Variants in ZNF592 observed in about 807,000 individuals in gnomAD.
ZNF592 encodes zinc finger protein 592.
ZNF592 carries 11 observed loss-of-function variants against 80.3 expected under a neutral mutation model. That is an observed-to-expected ratio of 0.14 (90% CI 0.09 to 0.23). The LOEUF is 0.23. ZNF592 is among the 10% of genes least tolerant of loss of function. The probability of loss-of-function intolerance (pLI) is 1.00; values close to 1 mark genes in which losing one functional copy is unlikely to be tolerated. For synonymous variants in ZNF592, 646 were observed against 640.3 expected, an observed-to-expected ratio of 1.01 and a Z score of -0.13; for missense variants, 1,420 against 1,633.9, an observed-to-expected ratio of 0.87 and a Z score of 2.26.
chr15:84,788,834 A>G (rs901180911), intron 4 of ZNF592, among the ~76,000 whole-genome samples: 7 of 152,202 alleles, frequency 4.6e-5, no homozygotes, highest in African/African-American at 1.7e-4. Context: ...AAGTGGAATC[A>G]CACAGCATTT....
At chr15:84,786,586 G>A (rs899221035) in intron 4 of ZNF592, among the ~76,000 whole-genome samples, 1 of 152,196 alleles carries the variant, frequency 6.6e-6, no homozygotes, top group African/African-American at 2.4e-5. Flanking sequence ...AAAGGGGCCA[G>A]AAGGTGCTAT....
rs1022027305 is a variant in ZNF592 at position 84,784,998 on chromosome 15, A to G, written c.2220+103A>G. On this transcript the variant is annotated intron_variant, in intron 4 of 10. Transcript: ENST00000560079. The surrounding 1 kb of genome is among the most constrained non-coding windows in gnomAD (Gnocchi z 5.8). The stretch of plus-strand genomic sequence containing the variant: ...TCATTGATATGGGGGCAGTGGTGGA[A>G]TCTTATGAGTCTTAGAAGAGGATGT... 1.5e-6 allele frequency: 2 copies of G among 1,309,778 alleles called. No individual in the cohort carries two copies. Among genetic ancestry groups the G allele is most frequent in the Non-Finnish European group, 2.2e-6 (2 of 909,142 alleles). 81.1% of individuals were successfully genotyped at this position (1,309,778 alleles called of 1,614,324 possible).
intron 1 of ZNF592, among the ~76,000 whole-genome samples, chr15:84,755,046 A>G (rs1899128627): frequency 6.8e-6 from 1 of 147,878 alleles, no homozygotes; most frequent in Admixed American, 6.8e-5. Context: ...GCTCACTGCA[A>G]CCTCTGCCTC....
rs1207167864 is a variant in ZNF592, at chr15:84,796,286, TATATATATAA to T, written c.2400-1581_2400-1572del. ...TATATTTTATATATATATATATATA[TATATATATAA>T]AAAAACGAAGGGTAACATTCAGGAG... On this transcript the variant is annotated intron_variant, in intron 5 of 10. Coordinates refer to ENST00000560079, the MANE Select transcript of ZNF592 (RefSeq NM_014630.3). Among the ~76,000 whole-genome samples, 95 of 52,850 alleles carry T rather than the reference TATATATATAA, an allele frequency of 1.8e-3. 7 individuals are homozygous for T. The highest frequency in any genetic ancestry group is 6.6e-3 in the African/African-American group (59 of 9,004). The allele number at this position is 52,850 out of a possible 152,430, so 34.7% of individuals were successfully genotyped here.
intron 1 of ZNF592, among the ~76,000 whole-genome samples, 195 bp from the exon 2 acceptor site, chr15:84,764,512 G>A (rs1899442822): frequency 6.6e-6 from 1 of 152,288 alleles, no homozygotes; most frequent in South Asian, 2.1e-4. Context: ...AGAGGGAGGG[G>A]AGCAGACGTG....
chr15:84,801,752 G>A (rs1963100952), intron 10 of ZNF592, 111 bp from the exon 11 acceptor site: 3 of 1,518,128 alleles, frequency 2.0e-6, no homozygotes, highest in African/African-American at 2.8e-5. Context: ...CAGGGCTGGG[G>A]TGACCCTGGC....
intron 3 of ZNF592, among the ~76,000 whole-genome samples, chr15:84,779,840 A>G (rs1459170539): frequency 1.3e-5 from 2 of 152,102 alleles, no homozygotes; most frequent in African/African-American, 4.8e-5. Flanking sequence ...CTGCAACTTC[A>G]TATTAGATAA....
intron 2 of ZNF592, among the ~76,000 whole-genome samples, chr15:84,770,113 A>G (rs1351289047): frequency 1.3e-5 from 2 of 152,198 alleles, no homozygotes; most frequent in African/African-American, 2.4e-5. Flanking sequence ...GGTTGAGTTG[A>G]CAGGATGTGC....
Position 84,802,045 on chromosome 15 carries a change from A to T in ZNF592, c.3456A>T (p.Thr1152=). ...HIPQHQVDSS[T]AQCLLCGLCY... ...CTCAGCACCAGGTGGACAGCTCCAC[A>T]GCCCAATGTCTCCTCTGTGGTTTGT... The change falls in exon 11 of 11, where the codon ACA becomes ACT. Residue 1152 remains threonine (T), a synonymous_variant. Coordinates refer to ENST00000560079, the MANE Select transcript of ZNF592 (RefSeq NM_014630.3). The T allele has an allele frequency of 1.2e-6, 2 of 1,613,910 alleles. No homozygotes were observed. The highest frequency in any genetic ancestry group is 1.7e-6 in the Non-Finnish European group (2 of 1,179,872).
At position 84,804,289 on chromosome 15, in the gene ZNF592, C is replaced by T. The variant is rs1204284858; in HGVS notation, c.*1896C>T. ...AGTTACAGGAAGCCATCCCTGTACC[C>T]TGGGTCCATTCACAGGAATGGGTTC... On this transcript the variant is annotated 3_prime_UTR_variant, in exon 11 of 11. Transcript: ENST00000560079. 1.3e-5 allele frequency: 2 copies of T among 152,278 alleles called. No homozygotes were observed. The highest frequency in any genetic ancestry group is 4.8e-5 in the African/African-American group (2 of 41,470). The allele number at this position is 152,278 out of a possible 1,614,324, so 9.4% of individuals were successfully genotyped here. A position where few individuals can be genotyped will look rare whatever the true frequency, so the allele number is the denominator to read the frequency against.
Position 84,802,573 on chromosome 15 carries a change from C to T in ZNF592, c.*180C>T, listed in dbSNP as rs1017544786. ...CCCCCAGCCCCAGGAAATGTGGGGT[C>T]GGCCAGGACCCTCACAGCTCTGAAT... is the stretch of plus-strand genomic sequence containing the variant. On this transcript the variant is annotated 3_prime_UTR_variant, in exon 11 of 11. Coordinates refer to ENST00000560079, the MANE Select transcript of ZNF592 (RefSeq NM_014630.3). 43 of 698,788 alleles carry T rather than the reference C, an allele frequency of 6.2e-5. No homozygotes were observed. Among genetic ancestry groups the T allele is most frequent in the African/African-American group, 2.5e-4 (14 of 56,098 alleles). 43.3% of individuals were successfully genotyped at this position (698,788 alleles called of 1,614,324 possible). A position where few individuals can be genotyped will look rare whatever the true frequency, so the allele number is the denominator to read the frequency against.
chr15:84,783,202 G>A lies in ZNF592; in HGVS notation c.527G>A (p.Gly176Glu). The A allele has an allele frequency of 6.2e-7, 1 of 1,614,184 alleles. No individual in the cohort carries two copies. Among genetic ancestry groups the A allele is most frequent in the Non-Finnish European group, 8.5e-7 (1 of 1,180,040 alleles). The change falls in exon 4 of 11, where the codon GGG (glycine) becomes GAG (glutamate). Residue 176 changes from glycine (G) to glutamate (E), a missense_variant. Physicochemically the swap from Gly to Glu is moderately conservative, Grantham distance 98. Coordinates refer to ENST00000560079, the MANE Select transcript of ZNF592 (RefSeq NM_014630.3). The surrounding 1 kb of genome is among the most constrained non-coding windows in gnomAD (Gnocchi z 5.0). ...DSYFPPPLGCGAVGGPVLEAL... is the reference protein window; with the variant it reads ...DSYFPPPLGCEAVGGPVLEAL... The stretch of plus-strand genomic sequence containing the variant: ...TATTTCCCACCCCCTCTTGGGTGCG[G>A]GGCTGTGGGAGGCCCAGTCCTGGAG...
At chr15:84,769,097 T>C (rs895179806) in intron 2 of ZNF592, among the ~76,000 whole-genome samples, 8 of 152,076 alleles carry the variant, frequency 5.3e-5, no homozygotes, top group African/African-American at 1.9e-4. Flanking sequence ...TCCACCACCA[T>C]GCCTGGCTAA....
intron 10 of ZNF592, among the ~76,000 whole-genome samples, chr15:84,800,990 A>T (rs928699362): frequency 2.0e-5 from 3 of 152,098 alleles, no homozygotes; most frequent in Non-Finnish European, 4.4e-5. Context: ...TTGTTAAGTA[A>T]AACAAAAACA....
chr15:84,798,689 A>T lies in ZNF592; in HGVS notation c.2838A>T (p.Pro946=), dbSNP rs200317129. 1 of 1,603,234 alleles carries T rather than the reference A, an allele frequency of 6.2e-7. No individual in the cohort carries two copies. The highest frequency in any genetic ancestry group is 2.3e-5 in the East Asian group (1 of 43,814). ...SRPGSRVPTE[P]PATSVAARSS... is the part of the protein sequence containing the mutation. ...CTGGCTCTCGAGTTCCCACTGAGCC[A>T]CCAGCCACTAGTGTGGCTGCTCGGA... Residue 946 remains proline, a synonymous_variant, in exon 8 of 11, where the codon CCA becomes CCT. Transcript: ENST00000560079. The surrounding 1 kb of genome is among the most constrained non-coding windows in gnomAD (Gnocchi z 4.5).
At chr15:84,774,577 A>G (rs1414121283) in intron 2 of ZNF592, among the ~76,000 whole-genome samples, 2 of 152,154 alleles carry the variant, frequency 1.3e-5, no homozygotes, top group Admixed American at 1.3e-4. Context: ...CTCTGTTTAT[A>G]TTTCCCCATG....
Position 84,783,954 on chromosome 15 carries a change from C to G in ZNF592, c.1279C>G (p.Pro427Ala). ...CAGCGAGATGCCAGGGGATGAGGTG[C>G]CTGTGGAAGAGCACTTTCCTGAGGC... ...APSEMPGDEV[P>A]VEEHFPEAGT... Residue 427 changes from proline (P) to alanine (A), a missense_variant, in exon 4 of 11, where the codon CCT becomes GCT. Transcript: ENST00000560079. This position sits in a 1 kb window ranked among gnomAD's most constrained non-coding sequence, Gnocchi z 5.0. The G allele has an allele frequency of 6.2e-7, 1 of 1,613,750 alleles. No individual in the cohort carries two copies. Among genetic ancestry groups the G allele is most frequent in the African/African-American group, 1.3e-5 (1 of 75,048 alleles).
chr15:84,805,010 G>A lies in ZNF592; in HGVS notation c.*2617G>A, dbSNP rs1442915618. 1 of 152,134 alleles carries A rather than the reference G, an allele frequency of 6.6e-6. No individual in the cohort carries two copies. The highest frequency in any genetic ancestry group is 2.4e-5 in the African/African-American group (1 of 41,412). 9.4% of individuals were successfully genotyped at this position (152,134 alleles called of 1,614,324 possible). A position where few individuals can be genotyped will look rare whatever the true frequency, so the allele number is the denominator to read the frequency against. ...ACCACTGTGCTCGTTAGTGACCAAG[G>A]CTGCTTTGACAGGCTGCCAGCTTGT... On this transcript the variant is annotated 3_prime_UTR_variant, in exon 11 of 11. Coordinates refer to ENST00000560079, the MANE Select transcript of ZNF592 (RefSeq NM_014630.3).
chr15:84,806,139 T>G lies in ZNF592; in HGVS notation c.*3746T>G, dbSNP rs1230297198. ...GCATGAATGAATGAATCTGATTCAATTGGTAGCTACAGCTGTTCTCTCAGG... is the reference window on the plus strand; with the variant it reads ...GCATGAATGAATGAATCTGATTCAAGTGGTAGCTACAGCTGTTCTCTCAGG... On this transcript the variant is annotated 3_prime_UTR_variant, in exon 11 of 11. Transcript: ENST00000560079. 6.6e-6 allele frequency: 1 copy of G among 152,504 alleles called. No homozygotes were observed. Among genetic ancestry groups the G allele is most frequent in the Admixed American group, 6.5e-5 (1 of 15,282 alleles). The allele number at this position is 152,504 out of a possible 1,614,324, so 9.4% of individuals were successfully genotyped here.
Sources: gnomAD v4.1 joint callset for allele counts (sites outside exome capture counted in the v4.1 genomes callset) on GRCh38, gnomAD v4.1.1 for gene constraint, Gnocchi (gnomAD v3.1) non-coding constraint, MANE v1.5 for transcripts, NCBI Gene and HGNC (gene_info 2026-07-23, HGNC 2026-07-21) for gene names.